The following TMEM41B variants were observed in gnomAD, a reference collection of about 807,000 sequenced individuals.
TMEM41B encodes protein stasimon.
TMEM41B carries 18 observed loss-of-function variants against 31.9 expected under a neutral mutation model. That is an observed-to-expected ratio of 0.56 (90% CI 0.39 to 0.84). The LOEUF (loss-of-function observed/expected upper bound fraction) is 0.84, where lower values mean the gene tolerates loss of function less well. TMEM41B is among the 40% of genes least tolerant of loss of function. The probability of loss-of-function intolerance (pLI) is 0.00; values close to 1 mark genes in which losing one functional copy is unlikely to be tolerated. For synonymous variants in TMEM41B, 144 were observed against 124.3 expected, an observed-to-expected ratio of 1.16 and a Z score of -1.05; for missense variants, 322 against 348.0, an observed-to-expected ratio of 0.93 and a Z score of 0.59.
At chr11:9,286,402 C>A (rs1852837642) in intron 6 of TMEM41B, 53 bp downstream of exon 6, 4 of 1,548,590 alleles carry the variant, frequency 2.6e-6, no homozygotes, top group South Asian at 1.2e-5. Context: ...CAGCTGGACA[C>A]TGTTAGATAT....
rs1852748818 is a variant in TMEM41B at position 9,282,798 on chromosome 11, G to C, written c.*626C>G. ...AATACAAAAAAATTAGCTGGGCATGGTGGCGGGCGCCTGTAGTCCCAGCTA... is the reference window on the plus strand; with the variant it reads ...AATACAAAAAAATTAGCTGGGCATGCTGGCGGGCGCCTGTAGTCCCAGCTA... On this transcript the variant is annotated 3_prime_UTR_variant, in exon 7 of 7. Coordinates refer to ENST00000528080, the MANE Select transcript of TMEM41B (RefSeq NM_015012.4). The C allele has an allele frequency of 6.6e-6, 1 of 152,186 alleles. No individual in the cohort carries two copies. Among genetic ancestry groups the C allele is most frequent in the Non-Finnish European group, 1.5e-5 (1 of 68,102 alleles). The allele number at this position is 152,186 out of a possible 1,614,324, so 9.4% of individuals were successfully genotyped here.
chr11:9,298,772 G>T (rs1413211782), intron 2 of TMEM41B, among the ~76,000 whole-genome samples: 1 of 62,058 alleles, frequency 1.6e-5, no homozygotes, highest in Non-Finnish European at 3.9e-5. Context: ...TATCTCAAAT[G>T]AAGAAAAAAA....
At position 9,286,466 on chromosome 11, in the gene TMEM41B, C is replaced by A; in HGVS notation, c.695G>T (p.Gly232Val). The A allele has an allele frequency of 6.2e-7, 1 of 1,610,638 alleles. No individual in the cohort carries two copies. Among genetic ancestry groups the A allele is most frequent in the Non-Finnish European group, 8.5e-7 (1 of 1,178,800 alleles). ...ACCAGAGGGCTTACCTAGAAAAGTACCAATAAAAAAAACTTTCAATGGCAC... is the reference window on the plus strand; with the variant it reads ...ACCAGAGGGCTTACCTAGAAAAGTAACAATAAAAAAAACTTTCAATGGCAC... ...INVPLKVFFI[G>V]TFLGVAPPSF... Residue 232 changes from glycine (G) to valine (V), a missense_variant, in exon 6 of 7, where the codon GGT becomes GTT. Coordinates refer to ENST00000528080, the MANE Select transcript of TMEM41B (RefSeq NM_015012.4).
intron 4 of TMEM41B, 82 bp from the exon 5 acceptor site, chr11:9,287,888 A>C: frequency 1.0e-6 from 1 of 990,540 alleles, no homozygotes. Context: ...AAAAAGCTCA[A>C]TTAATTTACT....
rs781541151 is a variant in TMEM41B, at chr11:9,286,569, T to C, written c.592A>G (p.Ile198Val). ...ATTCTCAAAAATATAATGTAGTTAA[T>C]GAGATGTTCTCTATGACGTTCAACC... ...QQVERHREHL[I>V]NYIIFLRITP... Residue 198 changes from isoleucine (I) to valine (V), a missense_variant, in exon 6 of 7, where the codon ATT becomes GTT. By Grantham distance (29) the Ile-to-Val change is conservative (BLOSUM62 3). Transcript: ENST00000528080. 3.7e-6 allele frequency: 6 copies of C among 1,611,268 alleles called. No individual in the cohort carries two copies. The highest frequency in any genetic ancestry group is 1.3e-5 in the African/African-American group (1 of 74,816).
chr11:9,298,367 G>A (rs1390370479), intron 2 of TMEM41B, among the ~76,000 whole-genome samples: 5 of 151,334 alleles, frequency 3.3e-5, no homozygotes, highest in African/African-American at 4.9e-5. Flanking sequence ...ACTGAGGCAG[G>A]AGAATCGCTT....
chr11:9,298,892 T>C (rs181584184), intron 2 of TMEM41B, among the ~76,000 whole-genome samples: 1 of 152,260 alleles, frequency 6.6e-6, no homozygotes, highest in African/African-American at 2.4e-5. Flanking sequence ...TGGTTGAAAG[T>C]CTAACTACAT....
chr11:9,293,018 T>C (rs951757212), intron 3 of TMEM41B, among the ~76,000 whole-genome samples: 2 of 152,192 alleles, frequency 1.3e-5, no homozygotes, highest in Non-Finnish European at 2.9e-5. Context: ...TGTAATTATG[T>C]AAAACATTTA....
At chr11:9,289,191 C>T (rs1471372907) in intron 3 of TMEM41B, among the ~76,000 whole-genome samples, 1 of 152,162 alleles carries the variant, frequency 6.6e-6, no homozygotes, top group Non-Finnish European at 1.5e-5. Flanking sequence ...GAGATGAGGT[C>T]TGGCTGAGTT....
chr11:9,296,152 C>T (rs1440596068), intron 2 of TMEM41B, among the ~76,000 whole-genome samples: 7 of 151,972 alleles, frequency 4.6e-5, no homozygotes, highest in Non-Finnish European at 8.8e-5. Context: ...CCACCATGCC[C>T]GGCTATAAAT....
chr11:9,308,951 T>C (rs1392612640), intron 1 of TMEM41B, among the ~76,000 whole-genome samples: 1 of 152,042 alleles, frequency 6.6e-6, no homozygotes, highest in Non-Finnish European at 1.5e-5. Flanking sequence ...AATCAAGATA[T>C]GAAAAATCTG....
intron 3 of TMEM41B, among the ~76,000 whole-genome samples, chr11:9,289,421 T>C (rs1395091142): frequency 6.6e-6 from 1 of 152,006 alleles, no homozygotes; most frequent in African/African-American, 2.4e-5. Context: ...TCCCTCAACA[T>C]CTCTCCATCT....
At chr11:9,290,565 G>C (rs986963103) in intron 3 of TMEM41B, among the ~76,000 whole-genome samples, 1 of 148,714 alleles carries the variant, frequency 6.7e-6, no homozygotes, top group Non-Finnish European at 1.5e-5. Context: ...AAAAAAAAAA[G>C]AAAGAAAAGA....
At chr11:9,288,390 CTCA>C (rs1229844961) in intron 4 of TMEM41B, 49 bp downstream of exon 4, 3 of 1,253,754 alleles carry the variant, frequency 2.4e-6, no homozygotes, top group Non-Finnish European at 3.4e-6. Flanking sequence ...CATCATCATC[CTCA>C]TCATTCTATT....
rs1425440498 is a variant in TMEM41B at position 9,287,695 on chromosome 11, T to C, written c.567+7A>G. The stretch of plus-strand genomic sequence containing the variant: ...TTACATCAAATAATTTAAAAATACA[T>C]GTTTACCTGCTGTGACCATTTTACT... On this transcript the variant is annotated splice_region_variant and intron_variant, in intron 5 of 6. Coordinates refer to ENST00000528080, the MANE Select transcript of TMEM41B (RefSeq NM_015012.4). The C allele has an allele frequency of 2.5e-6, 4 of 1,586,922 alleles. No individual in the cohort carries two copies. Among genetic ancestry groups the C allele is most frequent in the Non-Finnish European group, 3.4e-6 (4 of 1,162,112 alleles).
At chr11:9,309,266 A>C (rs185694598) in intron 1 of TMEM41B, among the ~76,000 whole-genome samples, 35 of 152,156 alleles carry the variant, frequency 2.3e-4, no homozygotes, top group African/African-American at 8.2e-4. Flanking sequence ...GAAAGAAAGA[A>C]AAATCTGATC....
rs375843375 is a variant in TMEM41B at position 9,288,524 on chromosome 11, A to G, written c.380T>C (p.Phe127Ser). The G allele has an allele frequency of 1.3e-6, 2 of 1,578,650 alleles. No individual in the cohort carries two copies. The highest frequency in any genetic ancestry group is 1.4e-5 in the African/African-American group (1 of 73,200). ...GAGAAATATAGAGCCTGGAATAGCA[A>G]ATGTTTGCAAGCTGGTAACTTTTAA... The part of the protein sequence containing the change: ...YFATYIFLQT[F>S]AIPGSIFLSI... The change falls in exon 4 of 7, where the codon TTT (phenylalanine) becomes TCT (serine). Residue 127 changes from phenylalanine to serine, a missense_variant. Phe to Ser is a radical substitution (Grantham distance 155, BLOSUM62 -2). Transcript: ENST00000528080.
At chr11:9,292,264 T>A (rs995798350) in intron 3 of TMEM41B, among the ~76,000 whole-genome samples, 1 of 152,184 alleles carries the variant, frequency 6.6e-6, no homozygotes, top group African/African-American at 2.4e-5. Flanking sequence ...ATCCTTTATC[T>A]TATACTAGTA....
At chr11:9,307,048 T>G (rs1853415002) in intron 1 of TMEM41B, among the ~76,000 whole-genome samples, 1 of 152,192 alleles carries the variant, frequency 6.6e-6, no homozygotes, top group South Asian at 2.1e-4. Context: ...CAAGTACCTT[T>G]CCTTTAACTT....
Sources: allele counts gnomAD v4.1 joint callset (sites outside exome capture counted in the v4.1 genomes callset), GRCh38; gene constraint gnomAD v4.1.1; transcripts MANE v1.5; gene names NCBI Gene and HGNC (gene_info 2026-07-23, HGNC 2026-07-21).